The following RNF212 variants were observed in gnomAD, a reference collection of about 807,000 sequenced individuals.
RNF212 encodes probable E3 SUMO-protein ligase RNF212.
RNF212 carries 33 observed loss-of-function variants against 34.7 expected under a neutral mutation model. That is an observed-to-expected ratio of 0.95 (90% CI 0.72 to 1.27). RNF212 has a LOEUF of 1.27. Ranked by LOEUF, RNF212 falls within the 50% of genes most tolerant of loss-of-function variation. RNF212 has a pLI of 0.00. For synonymous variants in RNF212, 140 were observed against 136.1 expected (o/e 1.03, Z -0.20); for missense variants, 377 against 362.2 (o/e 1.04, Z -0.33).
chr4:1,077,804 G>C (rs150444411), intron 8 of RNF212, among the ~76,000 whole-genome samples: 1 of 152,320 alleles, frequency 6.6e-6, no homozygotes, highest in Non-Finnish European at 1.5e-5. Context: ...GGGCAGGTGG[G>C]GTCCTCGATG....
In RNF212 at chr4:1,072,940, C is replaced by T. The variant is rs759081696; in HGVS notation, c.828G>A (p.Thr276=). ...PFQQAEGTLD[T]FRTPAVSVVF... ...CAACAGACACAGCGGGTGTTCTGAA[C>T]GTGTCCAGGGTGCCCTCAGCCTGCT... is the stretch of plus-strand genomic sequence containing the variant. Residue 276 remains threonine, a synonymous_variant, in exon 10 of 10, where the codon ACG becomes ACA. Transcript: ENST00000433731. The T allele has an allele frequency of 1.9e-6, 3 of 1,613,972 alleles. No individual in the cohort carries two copies. Among genetic ancestry groups the T allele is most frequent in the Non-Finnish European group, 1.7e-6 (2 of 1,179,876 alleles).
intron 4 of RNF212, among the ~76,000 whole-genome samples, chr4:1,057,719 T>C (rs1717428611): frequency 6.6e-6 from 1 of 151,636 alleles, no homozygotes; most frequent in African/African-American, 2.4e-5. Context: ...CGTGGTACTT[T>C]TGAAGTTTTT....
intron 3 of RNF212, among the ~76,000 whole-genome samples, chr4:1,064,817 C>T (rs1717982092): frequency 6.6e-6 from 1 of 152,206 alleles, no homozygotes; most frequent in South Asian, 2.1e-4. Context: ...ACCCCTCCAT[C>T]CCACAGCCGC....
chr4:1,081,001 C>A (rs1426004593), intron 7 of RNF212, among the ~76,000 whole-genome samples: 3 of 152,204 alleles, frequency 2.0e-5, no homozygotes, highest in Non-Finnish European at 4.4e-5. Flanking sequence ...TGTGAGGGAC[C>A]CCCAGCCATG....
chr4:1,105,338 C>T (rs1724643447), intron 2 of RNF212, among the ~76,000 whole-genome samples: 1 of 152,240 alleles, frequency 6.6e-6, no homozygotes. Context: ...ACCACATCCC[C>T]AGGCACTGGC....
At chr4:1,104,964 G>C (rs967084340) in intron 2 of RNF212, among the ~76,000 whole-genome samples, 23 of 152,134 alleles carry the variant, frequency 1.5e-4, no homozygotes, top group Non-Finnish European at 3.2e-4. Flanking sequence ...GGAGAGCCTG[G>C]GCTGGACTGC....
At chr4:1,068,616 CA>C (rs1241588262), downstream of RNF212, among the ~76,000 whole-genome samples, 3 of 152,272 alleles carry the variant, frequency 2.0e-5, no homozygotes, top group Admixed American at 6.5e-5. Flanking sequence ...AAATAATGAA[CA>C]ACGCAGTCTC....
intron 3 of RNF212, among the ~76,000 whole-genome samples, chr4:1,060,223 T>C (rs1717661029): frequency 6.6e-6 from 1 of 152,164 alleles, no homozygotes; most frequent in Admixed American, 6.5e-5. Context: ...ACCCAGGGTC[T>C]GGCAAGCAGT....
At chr4:1,087,501 G>A (rs1412735540) in intron 4 of RNF212, among the ~76,000 whole-genome samples, 11 of 131,130 alleles carry the variant, frequency 8.4e-5, no homozygotes, top group Admixed American at 2.3e-4. Flanking sequence ...GAGAACCAAG[G>A]TTGGGGGGTG....
At chr4:1,059,294 G>C (rs924400291) in intron 3 of RNF212, among the ~76,000 whole-genome samples, 2 of 152,364 alleles carry the variant, frequency 1.3e-5, no homozygotes, top group South Asian at 4.1e-4. Flanking sequence ...TCCTCAGTCT[G>C]CAGGTGACCC....
At chr4:1,057,583 C>T (rs943473102) in intron 4 of RNF212, among the ~76,000 whole-genome samples, 1 of 152,138 alleles carries the variant, frequency 6.6e-6, no homozygotes, top group Non-Finnish European at 1.5e-5. Flanking sequence ...CTGCCCCGGC[C>T]TTCTCAATAC....
rs1426936760 is a variant in RNF212 at position 1,081,416 on chromosome 4, C to T, written c.464+3G>A. 6.2e-7 allele frequency: 1 copy of T among 1,613,482 alleles called. No individual in the cohort carries two copies. Among genetic ancestry groups the T allele is most frequent in the Admixed American group, 1.7e-5 (1 of 59,990 alleles). ...CTGTGATTTCTGCAAGCAACCCACACACCTGTCGGGGGCTGATGAGTGAGG... is the reference window on the plus strand; with the variant it reads ...CTGTGATTTCTGCAAGCAACCCACATACCTGTCGGGGGCTGATGAGTGAGG... On this transcript the variant is annotated splice_donor_region_variant and intron_variant, in intron 7 of 9. Transcript: ENST00000433731.
intron 4 of RNF212, chr4:1,056,957 G>A: frequency 8.1e-6 from 8 of 987,986 alleles, no homozygotes; most frequent in Non-Finnish European, 9.6e-6. Context: ...TAACTGTGGT[G>A]TTGGCGTTAG....
chr4:1,062,771 C>T (rs1366330201), intron 3 of RNF212, among the ~76,000 whole-genome samples: 1 of 152,010 alleles, frequency 6.6e-6, no homozygotes, highest in Non-Finnish European at 1.5e-5. Flanking sequence ...GTAAAACAAC[C>T]TCCACTTGCC....
downstream of RNF212, among the ~76,000 whole-genome samples, chr4:1,069,025 T>G (rs1242090727): frequency 6.6e-6 from 1 of 152,102 alleles, no homozygotes; most frequent in Non-Finnish European, 1.5e-5. Flanking sequence ...ATGGGCAACA[T>G]GGCGAAACTC....
intron 8 of RNF212, 164 bp from the exon 9 acceptor site, chr4:1,073,826 G>C: frequency 1.6e-6 from 1 of 632,494 alleles, no homozygotes; most frequent in Non-Finnish European, 2.9e-6. Flanking sequence ...TTCACCTCCC[G>C]ACTCTGCCTG....
intron 2 of RNF212, among the ~76,000 whole-genome samples, chr4:1,107,100 G>C (rs1473544363): frequency 6.6e-6 from 1 of 151,778 alleles, no homozygotes; most frequent in South Asian, 2.1e-4. Context: ...CGCCCAGGCT[G>C]GAGTGCAGTG....
chr4:1,063,129 C>G (rs566982291), intron 3 of RNF212, among the ~76,000 whole-genome samples: 7 of 152,222 alleles, frequency 4.6e-5, no homozygotes, highest in Admixed American at 3.9e-4. Context: ...TGGCAATACC[C>G]CCTACATTGA....
chr4:1,105,641 A>G (rs1182009833), intron 2 of RNF212, among the ~76,000 whole-genome samples: 2 of 152,268 alleles, frequency 1.3e-5, no homozygotes, highest in Non-Finnish European at 2.9e-5. Flanking sequence ...AGGGTACTGC[A>G]CTAAGCGAGG....
Sources: allele counts gnomAD v4.1 joint callset (sites outside exome capture counted in the v4.1 genomes callset), GRCh38; gene constraint gnomAD v4.1.1; transcripts MANE v1.5; gene names NCBI Gene and HGNC (gene_info 2026-07-23, HGNC 2026-07-21).